The following EPRS1 variants were observed in gnomAD, a reference collection of about 807,000 sequenced individuals.
The protein encoded by EPRS1 is glutamyl-prolyl-tRNA synthetase 1, also known as bifunctional glutamate/proline--tRNA ligase.
In EPRS1, 107 loss-of-function variants were observed where a neutral mutation model predicts 188.3. The observed-to-expected ratio is 0.57, with a 90% CI of 0.49 to 0.67. EPRS1 has a LOEUF of 0.67. Among genes scored for constraint, EPRS1 ranks in the 30% least tolerant of loss-of-function variants. The probability of loss-of-function intolerance (pLI) is 0.00; values close to 1 mark genes in which losing one functional copy is unlikely to be tolerated. For synonymous variants in EPRS1, 596 were observed against 593.1 expected (o/e 1.00, Z -0.07); for missense variants, 1,577 against 1,802.2 (o/e 0.88, Z 2.26).
chr1:219,988,638 A>C lies in EPRS1; in HGVS notation c.2727T>G (p.Ala909=), dbSNP rs1166840759. 5.0e-6 allele frequency: 8 copies of C among 1,613,992 alleles called. No homozygotes were observed. Among genetic ancestry groups the C allele is most frequent in the Non-Finnish European group, 5.9e-6 (7 of 1,179,910 alleles). ...GTTTCCGAACTACTTCCCCTTGAGA[A>C]GCTACTTTGTCAAAAAGTACTTTCG... ...PEAKVLFDKV[A]SQGEVVRKLK... is the part of the protein sequence containing the mutation. Residue 909 remains alanine, a synonymous_variant, in exon 19 of 32, where the codon GCT becomes GCG. Transcript: ENST00000366923.
Position 219,980,109 on chromosome 1 carries a change from T to C in EPRS1, c.3687A>G (p.Ile1229Met). 1 of 1,613,904 alleles carries C rather than the reference T, an allele frequency of 6.2e-7. No homozygotes were observed. The highest frequency in any genetic ancestry group is 8.5e-7 in the Non-Finnish European group (1 of 1,179,890). Residue 1229 changes from isoleucine (I) to methionine (M), a missense_variant, in exon 26 of 32, where the codon ATA (isoleucine) becomes ATG (methionine). Ile to Met is a conservative substitution (Grantham distance 10). This residue lies in a region of EPRS1 where 1,278 missense variants were observed against 1,457.4 expected (regional missense o/e 0.88). Transcript: ENST00000366923. The part of the protein sequence containing the change: ...GDYTTTIEAF[I>M]SASGRAIQGG... Reference sequence around the variant, plus strand: ...CCTGGATAGCTCTTCCACTAGCAGATATAAATGCTTCTATTGTAGTTGTAT... The same window carrying C: ...CCTGGATAGCTCTTCCACTAGCAGACATAAATGCTTCTATTGTAGTTGTAT...
In EPRS1 at chr1:219,979,466, A is replaced by G. The variant is rs761103308; in HGVS notation, c.3861T>C (p.His1287=). The G allele has an allele frequency of 1.9e-6, 3 of 1,613,998 alleles. No individual in the cohort carries two copies. The highest frequency in any genetic ancestry group is 1.3e-5 in the African/African-American group (1 of 74,940). ...GTAATACTAAACCCATGTTGTCCCC[A>G]TGAACCATGGTCATAACACCAATAG... is the stretch of plus-strand genomic sequence containing the variant. ...TRTIGVMTMV[H]GDNMGLVLPP... The change falls in exon 27 of 32, where the codon CAT becomes CAC. Residue 1287 remains histidine, a synonymous_variant. Coordinates refer to ENST00000366923, the MANE Select transcript of EPRS1 (RefSeq NM_004446.3).
Position 220,040,182 on chromosome 1 carries a change from T to C in EPRS1, c.131+3A>G, listed in dbSNP as rs1432386887. 1 of 1,579,510 alleles carries C rather than the reference T, an allele frequency of 6.3e-7. No homozygotes were observed. Among genetic ancestry groups the C allele is most frequent in the Non-Finnish European group, 8.7e-7 (1 of 1,153,582 alleles). On this transcript the variant is annotated splice_donor_region_variant and intron_variant, in intron 2 of 31. Coordinates refer to ENST00000366923, the MANE Select transcript of EPRS1 (RefSeq NM_004446.3). ...CTGAAAATAAAAAGATGAAAACACT[T>C]ACTCAGAAACATGAAGAATATTCTC...
intron 17 of EPRS1, among the ~76,000 whole-genome samples, chr1:219,997,768 G>A (rs1661264975): frequency 6.6e-6 from 1 of 152,114 alleles, no homozygotes. Flanking sequence ...AAAATAAAAA[G>A]TAATCTGTGT....
At position 219,968,650 on chromosome 1, in the gene EPRS1, C is replaced by A. The variant is rs1660608579; in HGVS notation, c.*156G>T. On this transcript the variant is annotated 3_prime_UTR_variant, in exon 32 of 32. Coordinates refer to ENST00000366923, the MANE Select transcript of EPRS1 (RefSeq NM_004446.3). ...GTTGTTTACAGAAAAGTCTTTTATC[C>A]ACTGTTAACTTAGGCATAAGAATAA... 1.6e-5 allele frequency: 10 copies of A among 629,614 alleles called. No individual in the cohort carries two copies. The highest frequency in any genetic ancestry group is 2.5e-5 in the South Asian group (1 of 39,942). 39.0% of individuals were successfully genotyped at this position (629,614 alleles called of 1,614,324 possible). A position where few individuals can be genotyped will look rare whatever the true frequency, so the allele number is the denominator to read the frequency against.
chr1:219,984,215 C>T lies in EPRS1; in HGVS notation c.3081G>A (p.Trp1027Ter). The T allele has an allele frequency of 6.2e-7, 1 of 1,613,032 alleles. No homozygotes were observed. Among genetic ancestry groups the T allele is most frequent in the Non-Finnish European group, 8.5e-7 (1 of 1,179,100 alleles). The change falls in exon 21 of 32, where the codon TGG (tryptophan) becomes TGA (stop). Residue 1027 changes from tryptophan (W) to a stop codon, truncating the protein, a stop_gained. Coordinates refer to ENST00000366923, the MANE Select transcript of EPRS1 (RefSeq NM_004446.3). LOFTEE classifies it high-confidence loss of function. ...CTGAATGCATACTCACCTGAGAATA[C>T]CAATCAGCAAGATTTTCTTCTTTTT... ...EAKKEENLAD[W>*]YSQVITKSEM...
At chr1:220,013,055 C>G (rs1324936216) in intron 12 of EPRS1, among the ~76,000 whole-genome samples, 1 of 152,144 alleles carries the variant, frequency 6.6e-6, no homozygotes, top group African/African-American at 2.4e-5. Context: ...GAAATACATA[C>G]ATTTTAAAAC....
At chr1:220,038,302 G>C (rs899069280) in intron 2 of EPRS1, among the ~76,000 whole-genome samples, 2 of 151,380 alleles carry the variant, frequency 1.3e-5, no homozygotes, top group South Asian at 2.1e-4. Flanking sequence ...GGCTGGTCTC[G>C]AACTCCTGAC....
intron 1 of EPRS1, among the ~76,000 whole-genome samples, chr1:220,045,603 T>C (rs1235743067): frequency 6.6e-6 from 1 of 152,106 alleles, no homozygotes; most frequent in African/African-American, 2.4e-5. Context: ...CCAACAATAA[T>C]CTTGGTCATG....
At chr1:220,037,065 ACACC>A (rs956975440) in intron 2 of EPRS1, among the ~76,000 whole-genome samples, 3 of 151,850 alleles carry the variant, frequency 2.0e-5, no homozygotes, top group Non-Finnish European at 4.4e-5. Flanking sequence ...ATGTTGGTAC[ACACC>A]TGTAGTCCCA....
rs370913024 is a variant in EPRS1 at position 219,979,549 on chromosome 1, T to C, written c.3778A>G (p.Lys1260Glu). The change falls in exon 27 of 32, where the codon AAG becomes GAG. Residue 1260 changes from lysine (K) to glutamate (E), a missense_variant. Coordinates refer to ENST00000366923, the MANE Select transcript of EPRS1 (RefSeq NM_004446.3). Reference protein sequence around the residue: ...KMFEIVFEDPKIPGEKQFAYQ... With the variant: ...KMFEIVFEDPEIPGEKQFAYQ... ...GCAAATTGCTTCTCTCCTGGTATCT[T>C]TGGATCTTCAAAAACGATTTCAAAC... The C allele has an allele frequency of 3.1e-6, 5 of 1,613,904 alleles. No individual in the cohort carries two copies. The highest frequency in any genetic ancestry group is 1.3e-5 in the African/African-American group (1 of 74,920).
intron 23 of EPRS1, 30 bp downstream of exon 23, chr1:219,982,742 A>C: frequency 6.3e-7 from 1 of 1,581,490 alleles, no homozygotes; most frequent in Non-Finnish European, 8.7e-7. Context: ...TTCAGTGAGC[A>C]TTCTCTTGCA....
In EPRS1 at chr1:219,980,184, A is replaced by C; in HGVS notation, c.3612T>G (p.Pro1204=). Residue 1204 remains proline (P), a synonymous_variant, in exon 26 of 32, where the codon CCT becomes CCG. Transcript: ENST00000366923. ...TTTCCGTCTTTCTTCCTTTAACAAC[A>C]GGAATTGCCAGGAGTTCTTCATATA... is the stretch of plus-strand genomic sequence containing the variant. The part of the protein sequence containing the change: ...AQVYEELLAI[P]VVKGRKTEKE... The C allele has an allele frequency of 6.2e-7, 1 of 1,613,414 alleles. No homozygotes were observed. The highest frequency in any genetic ancestry group is 1.3e-5 in the African/African-American group (1 of 75,034).
chr1:219,998,580 GC>G (rs1661281438), intron 17 of EPRS1, among the ~76,000 whole-genome samples: 1 of 131,144 alleles, frequency 7.6e-6, no homozygotes, highest in South Asian at 2.3e-4. Context: ...GTCTTGCTCT[GC>G]CGCCAGGCTG....
At chr1:220,016,728 A>G (rs1449505752) in intron 12 of EPRS1, among the ~76,000 whole-genome samples, 1 of 72,698 alleles carries the variant, frequency 1.4e-5, no homozygotes, top group South Asian at 4.8e-4. Flanking sequence ...TTTTTTTTTT[A>G]ACAGAAAAAC....
chr1:219,998,839 C>T (rs1165135143), intron 17 of EPRS1, among the ~76,000 whole-genome samples: 2 of 151,308 alleles, frequency 1.3e-5, no homozygotes, highest in Non-Finnish European at 2.9e-5. Context: ...CTGCGCCTGG[C>T]CTGTTCTGCT....
At chr1:220,027,864 A>T (rs116769901) in intron 6 of EPRS1, among the ~76,000 whole-genome samples, 6,134 of 151,770 alleles carry the variant, frequency 0.04, 387 homozygotes, top group African/African-American at 0.14. Flanking sequence ...AAAATTTTTT[A>T]AAAAAAGGGC....
At chr1:219,984,173 TAA>T in intron 21 of EPRS1, 31 bp downstream of exon 21, 1 of 1,550,012 alleles carries the variant, frequency 6.5e-7, no homozygotes, top group Non-Finnish European at 8.9e-7. Flanking sequence ...TTGACAGACT[TAA>T]AACATAAAAA....
intron 30 of EPRS1, chr1:219,969,362 A>G: frequency 2.1e-6 from 1 of 485,754 alleles, no homozygotes; most frequent in Non-Finnish European, 3.7e-6. Context: ...CAACAAAGAC[A>G]TCTTTGCAGT....
Sources: gnomAD v4.1 joint callset for allele counts (sites outside exome capture counted in the v4.1 genomes callset) on GRCh38, gnomAD v4.1.1 for gene constraint, gnomAD v4.1.1 regional missense constraint, MANE v1.5 for transcripts, NCBI Gene and HGNC (gene_info 2026-07-23, HGNC 2026-07-21) for gene names.